Variants in ITPR1 observed in about 807,000 individuals in gnomAD.
ITPR1 encodes inositol 1,4,5-trisphosphate-gated calcium channel ITPR1.
ITPR1 carries 96 observed loss-of-function variants against 318.4 expected under a neutral mutation model. The observed-to-expected ratio is 0.30, with a 90% CI of 0.26 to 0.36. The LOEUF (loss-of-function observed/expected upper bound fraction) is 0.36, where lower values mean the gene tolerates loss of function less well. ITPR1 is among the 10% of genes least tolerant of loss of function. The probability of loss-of-function intolerance (pLI) is 1.00; values close to 1 mark genes in which losing one functional copy is unlikely to be tolerated. For missense variants in ITPR1, 2,440 were observed against 3,460.2 expected, an observed-to-expected ratio of 0.71 and a Z score of 7.40; for synonymous variants, 1,312 against 1,289.9, an observed-to-expected ratio of 1.02 and a Z score of -0.37.
In ITPR1 at chr3:4,811,228, C is replaced by A. The variant is rs780414560; in HGVS notation, c.7273-37C>A. On this transcript the variant is annotated intron_variant, in intron 55 of 61. Coordinates refer to ENST00000649015, the MANE Select transcript of ITPR1 (RefSeq NM_001378452.1). ...TGGGATAGTGATGTACATCTAACAT[C>A]AAGGCTTCTTAAAATTCTTTTTGTT... The A allele has an allele frequency of 2.1e-6, 3 of 1,445,414 alleles. No homozygotes were observed. In the Admixed American group the frequency reaches 7.7e-5, roughly 37 times the overall value. The allele number at this position is 1,445,414 out of a possible 1,614,324, so 89.5% of individuals were successfully genotyped here.
intron 3 of ITPR1, among the ~76,000 whole-genome samples, chr3:4,517,424 A>G (rs1378109342): frequency 6.6e-6 from 1 of 152,256 alleles, no homozygotes; most frequent in Non-Finnish European, 1.5e-5. Flanking sequence ...AGCTTCTCCA[A>G]GAACCTCATT....
chr3:4,660,413 A>G (rs2093806800), intron 13 of ITPR1, among the ~76,000 whole-genome samples: 1 of 150,656 alleles, frequency 6.6e-6, no homozygotes, highest in Admixed American at 6.6e-5. Context: ...ATTTTTTTTC[A>G]ACTTTGTTTA....
Position 4,683,651 on chromosome 3 carries a change from A to G in ITPR1, c.3351A>G (p.Gln1117=). 1 of 1,614,076 alleles carries G rather than the reference A, an allele frequency of 6.2e-7. No individual in the cohort carries two copies. Among genetic ancestry groups the G allele is most frequent in the Non-Finnish European group, 8.5e-7 (1 of 1,179,892 alleles). Residue 1117 remains glutamine, a synonymous_variant, in exon 28 of 62, where the codon CAA becomes CAG. Coordinates refer to ENST00000649015, the MANE Select transcript of ITPR1 (RefSeq NM_001378452.1). ...FKQVQLLVTS[Q]DVDNYKQIKQ... ...AGGTTCAACTGCTGGTTACCAGCCA[A>G]GATGTGGACAACTACAAACAGATCA...
At chr3:4,722,708 G>C (rs1467827921) in intron 40 of ITPR1, among the ~76,000 whole-genome samples, 1 of 152,150 alleles carries the variant, frequency 6.6e-6, no homozygotes, top group Non-Finnish European at 1.5e-5. Context: ...TGGTTTTACC[G>C]ACTTAGATAC....
chr3:4,690,007 T>C (rs1034382241), intron 31 of ITPR1, among the ~76,000 whole-genome samples: 1 of 152,258 alleles, frequency 6.6e-6, no homozygotes, highest in Non-Finnish European at 1.5e-5. Flanking sequence ...CCAGGCATGG[T>C]GGCTCACGCC....
intron 4 of ITPR1, among the ~76,000 whole-genome samples, chr3:4,618,588 T>C (rs1346037695): frequency 1.3e-5 from 2 of 152,194 alleles, no homozygotes; most frequent in Admixed American, 6.5e-5. Flanking sequence ...GAGTTAGTGA[T>C]TGTCTTATTT....
chr3:4,532,911 A>C (rs2083536787), intron 4 of ITPR1, among the ~76,000 whole-genome samples: 1 of 152,216 alleles, frequency 6.6e-6, no homozygotes, highest in Non-Finnish European at 1.5e-5. Flanking sequence ...CAAATTACTG[A>C]GTTTCCCCCG....
chr3:4,554,816 G>T (rs2085967258), intron 4 of ITPR1, among the ~76,000 whole-genome samples: 1 of 152,018 alleles, frequency 6.6e-6, no homozygotes, highest in Admixed American at 6.5e-5. Flanking sequence ...GATTAATTGG[G>T]TTACATATGT....
intron 44 of ITPR1, among the ~76,000 whole-genome samples, chr3:4,752,276 A>T (rs746606219): frequency 6.6e-5 from 10 of 152,208 alleles, no homozygotes; most frequent in African/African-American, 9.6e-5. Flanking sequence ...GCTTGTAGCT[A>T]TCAAGTCTGG....
chr3:4,668,387 G>A (rs1382657325), intron 18 of ITPR1, among the ~76,000 whole-genome samples: 1 of 151,600 alleles, frequency 6.6e-6, no homozygotes, highest in Non-Finnish European at 1.5e-5. Context: ...TTCTGTGCTT[G>A]GCTTATTTCA....
intron 60 of ITPR1, among the ~76,000 whole-genome samples, chr3:4,820,240 C>A (rs1284247016): frequency 1.3e-5 from 2 of 152,192 alleles, no homozygotes; most frequent in Admixed American, 1.3e-4. Flanking sequence ...CAGATAATGA[C>A]CTTCATTTGC....
intron 4 of ITPR1, among the ~76,000 whole-genome samples, chr3:4,584,269 T>A (rs1188418497): frequency 6.6e-6 from 1 of 152,120 alleles, no homozygotes; most frequent in African/African-American, 2.4e-5. Context: ...CCAAACCAAC[T>A]GGAATCCAGA....
intron 4 of ITPR1, among the ~76,000 whole-genome samples, 176 bp from the exon 5 acceptor site, chr3:4,627,587 C>T (rs2092875682): frequency 6.6e-6 from 1 of 152,132 alleles, no homozygotes; most frequent in South Asian, 2.1e-4. Context: ...GTTTCCTCGG[C>T]GGTGGTGGCA....
chr3:4,557,038 C>T (rs910131754), intron 4 of ITPR1, among the ~76,000 whole-genome samples: 20 of 152,222 alleles, frequency 1.3e-4, no homozygotes, highest in Middle Eastern at 3.4e-3. Flanking sequence ...TTTTACAGCC[C>T]GATATCACCA....
intron 31 of ITPR1, among the ~76,000 whole-genome samples, chr3:4,689,092 A>C (rs562137031): frequency 1.3e-5 from 2 of 152,298 alleles, no homozygotes; most frequent in African/African-American, 4.8e-5. Context: ...ATGATGCCAC[A>C]CTCTATGCAT....
chr3:4,647,353 A>G (rs2093481559), intron 10 of ITPR1, among the ~76,000 whole-genome samples: 1 of 152,314 alleles, frequency 6.6e-6, no homozygotes, highest in South Asian at 2.1e-4. Context: ...TAAAGCTTCT[A>G]GGGATATTTG....
chr3:4,818,581 A>G (rs1415816953), intron 60 of ITPR1, among the ~76,000 whole-genome samples: 1 of 152,072 alleles, frequency 6.6e-6, no homozygotes, highest in Non-Finnish European at 1.5e-5. Context: ...TCTTTTCTTG[A>G]TAGTGCTTTT....
chr3:4,796,959 G>A (rs1426509054), intron 53 of ITPR1, among the ~76,000 whole-genome samples: 1 of 152,148 alleles, frequency 6.6e-6, no homozygotes, highest in Non-Finnish European at 1.5e-5. Context: ...GCCCATCCAA[G>A]CTTGAGATCC....
At chr3:4,829,505 AT>A (rs1468339793) in intron 60 of ITPR1, among the ~76,000 whole-genome samples, 1 of 152,190 alleles carries the variant, frequency 6.6e-6, no homozygotes. Flanking sequence ...AAGGATGATA[AT>A]TTTTTAATAA....
Sources: gnomAD v4.1 joint callset for allele counts (sites outside exome capture counted in the v4.1 genomes callset) on GRCh38, gnomAD v4.1.1 for gene constraint, MANE v1.5 for transcripts, NCBI Gene and HGNC (gene_info 2026-07-23, HGNC 2026-07-21) for gene names.